The following GOLGA7 variants were observed in gnomAD, a reference collection of about 807,000 sequenced individuals.
The protein encoded by GOLGA7 is golgin subfamily A member 7.
A neutral mutation model predicts 21.1 loss-of-function variants in GOLGA7; 10 were observed. That is an observed-to-expected ratio of 0.47 (90% CI 0.29 to 0.80). The LOEUF is 0.80. Ranked by LOEUF, GOLGA7 falls within the 30% of genes least tolerant of loss-of-function variation. The pLI, the probability that GOLGA7 is intolerant of heterozygous loss-of-function variation, is 0.08. For synonymous variants in GOLGA7, 64 were observed against 62.6 expected (o/e 1.02, Z -0.10); for missense variants, 114 against 166.8 (o/e 0.68, Z 1.74).
chr8:41,508,348 C>T (rs950891192), intron 4 of GOLGA7, among the ~76,000 whole-genome samples: 2 of 152,224 alleles, frequency 1.3e-5, no homozygotes, highest in African/African-American at 4.8e-5. Context: ...CCTTCTTTAG[C>T]ACTAGTGAAT....
In GOLGA7 at chr8:41,510,738, G is replaced by A. The variant is rs1440793249; in HGVS notation, c.*1170G>A. On this transcript the variant is annotated 3_prime_UTR_variant, in exon 5 of 5. Coordinates refer to ENST00000357743, the MANE Select transcript of GOLGA7 (RefSeq NM_001002296.2). ...GAGAGTTTAAAAATACATTAGGAGA[G>A]AGAAACCATTAAAAGTTTCACTGTC... The A allele has an allele frequency of 2.0e-5, 3 of 152,752 alleles. No homozygotes were observed. The highest frequency in any genetic ancestry group is 7.2e-5 in the African/African-American group (3 of 41,416). The allele number at this position is 152,752 out of a possible 1,614,324, so 9.5% of individuals were successfully genotyped here. A position where few individuals can be genotyped will look rare whatever the true frequency, so the allele number is the denominator to read the frequency against.
chr8:41,492,026 C>G (rs1805896054), intron 1 of GOLGA7, among the ~76,000 whole-genome samples: 1 of 152,212 alleles, frequency 6.6e-6, no homozygotes, highest in Admixed American at 6.5e-5. Flanking sequence ...GTGGGTTGCA[C>G]TGCCCGATTT....
intron 2 of GOLGA7, among the ~76,000 whole-genome samples, chr8:41,503,308 A>G (rs1276254162): frequency 6.9e-6 from 1 of 144,222 alleles, no homozygotes; most frequent in African/African-American, 2.6e-5. Flanking sequence ...GATTCTGGAT[A>G]TTAGCCCTTT....
At chr8:41,501,647 C>T (rs1016021278) in intron 2 of GOLGA7, among the ~76,000 whole-genome samples, 2 of 152,170 alleles carry the variant, frequency 1.3e-5, no homozygotes, top group East Asian at 1.9e-4. Flanking sequence ...CCTCCCGTCT[C>T]GGCCTCCCAA....
intron 2 of GOLGA7, among the ~76,000 whole-genome samples, chr8:41,500,268 G>T (rs919546140): frequency 6.6e-6 from 1 of 152,174 alleles, no homozygotes; most frequent in African/African-American, 2.4e-5. Context: ...ATAATAAGCG[G>T]GACCTAATCT....
chr8:41,493,295 T>A (rs992844998), intron 1 of GOLGA7, among the ~76,000 whole-genome samples: 1 of 152,200 alleles, frequency 6.6e-6, no homozygotes, highest in Non-Finnish European at 1.5e-5. Context: ...TACTGATTGC[T>A]CTGCTATTGG....
intron 1 of GOLGA7, 98 bp from the exon 2 acceptor site, chr8:41,497,411 A>G: frequency 8.6e-6 from 6 of 699,146 alleles, no homozygotes; most frequent in Middle Eastern, 4.4e-4. Context: ...AAAATTGTCA[A>G]CTAAGAATGG....
In GOLGA7 at chr8:41,497,572, A is replaced by C. The variant is rs752937284; in HGVS notation, c.175A>C (p.Lys59Gln). 14 of 1,590,910 alleles carry C rather than the reference A, an allele frequency of 8.8e-6. No homozygotes were observed. In the Admixed American group the frequency reaches 2.2e-4, roughly 25 times the overall value. The change falls in exon 2 of 5, where the codon AAG (lysine) becomes CAG (glutamine). Residue 59 changes from lysine (K) to glutamine (Q), a missense_variant. Transcript: ENST00000357743. ...TLNNLYAEAE[K>Q]LGGQSYLEGC... Reference sequence around the variant, plus strand: ...AAATAACCTTTATGCAGAAGCAGAGAAGCTCGGCGGCCAGTCATATCTCGA... The same window carrying C: ...AAATAACCTTTATGCAGAAGCAGAGCAGCTCGGCGGCCAGTCATATCTCGA...
chr8:41,496,626 C>T (rs538652180), intron 1 of GOLGA7, among the ~76,000 whole-genome samples: 7 of 151,468 alleles, frequency 4.6e-5, no homozygotes, highest in East Asian at 1.9e-4. Context: ...ATAGAACCTA[C>T]GCCTTTTGAT....
At chr8:41,497,927 T>C (rs561250172) in intron 2 of GOLGA7, among the ~76,000 whole-genome samples, 2 of 152,340 alleles carry the variant, frequency 1.3e-5, no homozygotes, top group East Asian at 3.9e-4. Flanking sequence ...GTTCTCTTCC[T>C]ACTCAGCTTT....
At position 41,490,873 on chromosome 8, in the gene GOLGA7, C is replaced by G. The variant is rs1223702695; in HGVS notation, c.19C>G (p.Pro7Ala). MRPQQAPVSGKVFIQRD... is the reference protein window; with the variant it reads MRPQQAAVSGKVFIQRD... Reference sequence around the variant, plus strand: ...CCTCGCCATGAGGCCGCAGCAGGCGCCGGTGTCCGGAAAGGTGTTCATTCA... The same window carrying G: ...CCTCGCCATGAGGCCGCAGCAGGCGGCGGTGTCCGGAAAGGTGTTCATTCA... The change falls in exon 1 of 5, where the codon CCG (proline) becomes GCG (alanine). Residue 7 changes from proline (P) to alanine (A), a missense_variant. Coordinates refer to ENST00000357743, the MANE Select transcript of GOLGA7 (RefSeq NM_001002296.2). The G allele has an allele frequency of 5.0e-6, 8 of 1,597,318 alleles. No homozygotes were observed. Among genetic ancestry groups the G allele is most frequent in the South Asian group, 4.5e-5 (4 of 88,598 alleles).
rs2150446723 is a variant in GOLGA7, at chr8:41,505,957, T to C, written c.311T>C (p.Ile104Thr). The change falls in exon 3 of 5, where the codon ATC becomes ACC. Residue 104 changes from isoleucine (I) to threonine (T), a missense_variant. Coordinates refer to ENST00000357743, the MANE Select transcript of GOLGA7 (RefSeq NM_001002296.2). The stretch of plus-strand genomic sequence containing the variant: ...TACATTCAAGAGCAGAATGAGAAGA[T>C]CTATGCTCCACAAGGCCTCCTCCTG... ...SKYIQEQNEK[I>T]YAPQGLLLTD... The C allele has an allele frequency of 1.2e-6, 2 of 1,605,864 alleles. No individual in the cohort carries two copies. The highest frequency in any genetic ancestry group is 1.7e-4 in the Middle Eastern group (1 of 6,044).
At chr8:41,495,290 T>C (rs553980928) in intron 1 of GOLGA7, among the ~76,000 whole-genome samples, 11 of 151,694 alleles carry the variant, frequency 7.3e-5, no homozygotes, top group African/African-American at 2.4e-4. Flanking sequence ...TTTTTTTCTT[T>C]CTTTCTTTTT....
chr8:41,505,779 G>A (rs1410649098), intron 2 of GOLGA7, 132 bp from the exon 3 acceptor site: 6 of 564,640 alleles, frequency 1.1e-5, no homozygotes, highest in African/African-American at 3.9e-5. Flanking sequence ...AATCACAGCT[G>A]TATTCCACCA....
rs1805856316 is a variant in GOLGA7, at chr8:41,490,653, G to T, written c.-202G>T. 3.7e-6 allele frequency: 2 copies of T among 545,352 alleles called. No individual in the cohort carries two copies. The highest frequency in any genetic ancestry group is 3.4e-5 in the Admixed American group (1 of 29,410). The allele number at this position is 545,352 out of a possible 1,614,324, so 33.8% of individuals were successfully genotyped here. ...CCCGGGCCGAACCGGGTTGTGGGGG[G>T]CGCGGGGCCTGGGCCAGGCGGCAGC... On this transcript the variant is annotated 5_prime_UTR_variant, in exon 1 of 5. Transcript: ENST00000357743.
chr8:41,505,764 C>T, intron 2 of GOLGA7, 147 bp from the exon 3 acceptor site: 1 of 514,980 alleles, frequency 1.9e-6, no homozygotes, highest in Non-Finnish European at 3.5e-6. Context: ...TCATGTGAGC[C>T]AAGTAATCAC....
At chr8:41,499,319 A>G (rs954149648) in intron 2 of GOLGA7, among the ~76,000 whole-genome samples, 1 of 152,194 alleles carries the variant, frequency 6.6e-6, no homozygotes, top group South Asian at 2.1e-4. Context: ...TAGTTTAGCC[A>G]TCCATAGGCG....
intron 1 of GOLGA7, among the ~76,000 whole-genome samples, chr8:41,492,668 A>C (rs1563413925): frequency 6.6e-6 from 1 of 152,274 alleles, no homozygotes; most frequent in Admixed American, 6.5e-5. Context: ...GTCTCAAAAA[A>C]TAAATCAAAT....
intron 1 of GOLGA7, among the ~76,000 whole-genome samples, chr8:41,493,047 T>C (rs930999083): frequency 6.6e-6 from 1 of 152,222 alleles, no homozygotes; most frequent in Non-Finnish European, 1.5e-5. Context: ...CCAGAACTGC[T>C]TGTGGTACTG....
Sources: gnomAD v4.1 joint callset for allele counts (sites outside exome capture counted in the v4.1 genomes callset) on GRCh38, gnomAD v4.1.1 for gene constraint, MANE v1.5 for transcripts, NCBI Gene and HGNC (gene_info 2026-07-23, HGNC 2026-07-21) for gene names.